Variants in KDM4C observed in about 807,000 individuals in gnomAD.
KDM4C encodes lysine-specific demethylase 4C.
In KDM4C, 81 loss-of-function variants were observed where a neutral mutation model predicts 129.3. The ratio of observed to expected loss-of-function variants is 0.63; its 90% confidence interval spans 0.52 to 0.75. The LOEUF is 0.75. Ranked by LOEUF, KDM4C falls within the 30% of genes least tolerant of loss-of-function variation. The pLI is 0.00. For missense variants in KDM4C, 1,457 were observed against 1,304.0 expected (o/e 1.12, Z -1.81); for synonymous variants, 573 against 456.1 (o/e 1.26, Z -3.26).
chr9:7,022,557 T>G (rs1414380504), intron 15 of KDM4C, among the ~76,000 whole-genome samples: 4 of 152,092 alleles, frequency 2.6e-5, no homozygotes, highest in Non-Finnish European at 5.9e-5. Flanking sequence ...AGTCTTCCAG[T>G]TTTTTCAAGT....
At chr9:6,725,686 T>G (rs1266572082) in intron 1 of KDM4C, among the ~76,000 whole-genome samples, 1 of 145,084 alleles carries the variant, frequency 6.9e-6, no homozygotes, top group African/African-American at 2.6e-5. Context: ...AGATTGGGTT[T>G]CTTTCTTTTC....
At chr9:6,886,245 G>C (rs1588929948) in intron 6 of KDM4C, among the ~76,000 whole-genome samples, 1 of 151,908 alleles carries the variant, frequency 6.6e-6, no homozygotes, top group East Asian at 1.9e-4. Context: ...TTAACCATAA[G>C]CAGAGGGCTG....
chr9:7,146,759 T>C (rs928201571), intron 19 of KDM4C, among the ~76,000 whole-genome samples: 1 of 152,224 alleles, frequency 6.6e-6, no homozygotes, highest in African/African-American at 2.4e-5. Context: ...CGAGTCACTC[T>C]TCTCTACCAG....
intron 18 of KDM4C, among the ~76,000 whole-genome samples, chr9:7,125,624 A>G (rs1237692672): frequency 6.6e-6 from 1 of 152,204 alleles, no homozygotes; most frequent in Non-Finnish European, 1.5e-5. Context: ...TTCACGGGGG[A>G]AACAAAAGCA....
At chr9:6,931,457 G>A (rs1008753564) in intron 8 of KDM4C, among the ~76,000 whole-genome samples, 1 of 151,886 alleles carries the variant, frequency 6.6e-6, no homozygotes, top group Non-Finnish European at 1.5e-5. Context: ...TTAGTCATTA[G>A]TTTTGTTGGG....
intron 19 of KDM4C, among the ~76,000 whole-genome samples, chr9:7,133,127 T>A (rs1164442216): frequency 6.6e-6 from 1 of 152,222 alleles, no homozygotes; most frequent in Non-Finnish European, 1.5e-5. Context: ...TTTTTTCCCC[T>A]ACTAATTTGA....
chr9:6,934,114 A>G (rs866497151), intron 8 of KDM4C, among the ~76,000 whole-genome samples: 1 of 151,366 alleles, frequency 6.6e-6, no homozygotes, highest in African/African-American at 2.4e-5. Context: ...CAGCCTCCCA[A>G]AGTGCTGGGA....
At chr9:6,960,887 G>A (rs893445471) in intron 8 of KDM4C, among the ~76,000 whole-genome samples, 1 of 152,080 alleles carries the variant, frequency 6.6e-6, no homozygotes, top group African/African-American at 2.4e-5. Flanking sequence ...AGAACCACTA[G>A]GCTAGTGAGC....
chr9:7,147,232 T>C (rs952269739), intron 19 of KDM4C, among the ~76,000 whole-genome samples: 2 of 152,160 alleles, frequency 1.3e-5, no homozygotes, highest in Non-Finnish European at 2.9e-5. Flanking sequence ...CCCCAGATCT[T>C]GGAAGCAGTA....
intron 8 of KDM4C, among the ~76,000 whole-genome samples, chr9:6,899,143 T>C (rs1245912895): frequency 1.3e-5 from 2 of 152,066 alleles, no homozygotes; most frequent in East Asian, 3.9e-4. Context: ...TGAGTAGTTT[T>C]GCTGCGCTCT....
chr9:6,950,565 T>C (rs1468675482), intron 8 of KDM4C, among the ~76,000 whole-genome samples: 1 of 152,204 alleles, frequency 6.6e-6, no homozygotes, highest in Admixed American at 6.5e-5. Flanking sequence ...TCATTGTCCC[T>C]TAGCAATTAG....
chr9:7,124,318 T>G (rs1308131812), intron 18 of KDM4C, among the ~76,000 whole-genome samples: 1 of 152,216 alleles, frequency 6.6e-6, no homozygotes, highest in Admixed American at 6.5e-5. Flanking sequence ...ACAATGACTG[T>G]TTTTCAGTTT....
At chr9:6,972,616 C>T (rs989703270) in intron 8 of KDM4C, among the ~76,000 whole-genome samples, 2 of 152,206 alleles carry the variant, frequency 1.3e-5, no homozygotes, top group East Asian at 3.9e-4. Context: ...CAAATTGTTG[C>T]CATGCTTTAT....
At position 6,919,386 on chromosome 9, in the gene KDM4C, TG is replaced by T. The variant is rs1821018119; in HGVS notation, c.921+26155del. 2.0e-5 allele frequency among the ~76,000 whole-genome samples: 3 copies of T among 151,710 alleles called. No homozygotes were observed. In the South Asian group the frequency reaches 6.3e-4, roughly 32 times the overall value. On this transcript the variant is annotated intron_variant, in intron 8 of 21. Coordinates refer to ENST00000381309, the MANE Select transcript of KDM4C (RefSeq NM_015061.6). ...CATTATGTAAGGTGTCTGTTTACTTTGTTGATAGTTCCTTTTGCTGTGCAGA... is the reference window on the plus strand; with the variant it reads ...CATTATGTAAGGTGTCTGTTTACTTTTTGATAGTTCCTTTTGCTGTGCAGA...
chr9:7,031,160 TTATTTATTTATG>T (rs1309893998), intron 15 of KDM4C, among the ~76,000 whole-genome samples: 2,809 of 119,988 alleles, frequency 0.023, 35 homozygotes, highest in African/African-American at 0.034. Flanking sequence ...ATTTATTTAT[TTATTTATTTATG>T]TATGTTTTGA....
intron 4 of KDM4C, among the ~76,000 whole-genome samples, chr9:6,837,660 C>T (rs1174506053): frequency 6.6e-6 from 1 of 152,042 alleles, no homozygotes; most frequent in African/African-American, 2.4e-5. Flanking sequence ...ATGAACTGTC[C>T]TCTATTTTTC....
intron 15 of KDM4C, among the ~76,000 whole-genome samples, chr9:7,031,696 G>GTGTA (rs1320255047): frequency 2.6e-5 from 4 of 152,128 alleles, no homozygotes; most frequent in African/African-American, 9.7e-5. Flanking sequence ...GTATGTGTGT[G>GTGTA]TGTGTGTATA....
chr9:6,722,765 C>T (rs1281930215), intron 1 of KDM4C, among the ~76,000 whole-genome samples: 7 of 151,954 alleles, frequency 4.6e-5, no homozygotes, highest in East Asian at 1.9e-4. Flanking sequence ...CGCCTGCCTC[C>T]GCCTCCCAAA....
chr9:6,831,427 C>G (rs1834802217), intron 4 of KDM4C, among the ~76,000 whole-genome samples: 1 of 151,952 alleles, frequency 6.6e-6, no homozygotes, highest in Non-Finnish European at 1.5e-5. Flanking sequence ...ACTGCAACCT[C>G]CGTCTCCCTG....
Sources: gnomAD v4.1 joint callset for allele counts (sites outside exome capture counted in the v4.1 genomes callset) on GRCh38, gnomAD v4.1.1 for gene constraint, MANE v1.5 for transcripts, NCBI Gene and HGNC (gene_info 2026-07-23, HGNC 2026-07-21) for gene names.